The following HDLBP variants were observed in gnomAD, a reference collection of about 807,000 sequenced individuals.
The protein encoded by HDLBP is vigilin.
In HDLBP, 30 loss-of-function variants were observed where a neutral mutation model predicts 137.3. The observed-to-expected ratio is 0.22, with a 90% CI of 0.16 to 0.30. The LOEUF is 0.30. Among genes scored for constraint, HDLBP ranks in the 10% least tolerant of loss-of-function variants. The pLI is 1.00. For missense variants in HDLBP, 1,119 were observed against 1,667.3 expected (o/e 0.67, Z 5.73); for synonymous variants, 606 against 596.0 (o/e 1.02, Z -0.24).
Position 241,308,708 on chromosome 2 carries a change from G to T in HDLBP, c.-103+6862C>A, listed in dbSNP as rs577049956. ...GTGAAGTAGCTGAAGGCACAAACTG[G>T]AGCCAAACCACTAACTCTAGCCTTT... On this transcript the variant is annotated intron_variant, in intron 1 of 27. Coordinates refer to ENST00000310931, the MANE Select transcript of HDLBP (RefSeq NM_005336.6). Among the ~76,000 whole-genome samples the T allele has an allele frequency of 8.5e-5, 13 of 152,304 alleles. No individual in the cohort carries two copies. The South Asian group carries it at 1.7e-3, about 19-fold the overall frequency.
In HDLBP at chr2:241,248,347, T is replaced by C. The variant is rs1421950518; in HGVS notation, c.1514A>G (p.Glu505Gly). The change falls in exon 13 of 28, where the codon GAA becomes GGA. Residue 505 changes from glutamate (E) to glycine (G), a missense_variant and splice_region_variant. This residue lies in a region of HDLBP where 425 missense variants were observed against 693.9 expected (regional missense o/e 0.61). Transcript: ENST00000310931. ...GATTAGATCCTTGGTACGCTCATTT[T>C]CCTAAAAATACAATTAAAGTAGATG... Reference protein sequence around the residue: ...RELLELASRMENERTKDLIIE... With the variant: ...RELLELASRMGNERTKDLIIE... The C allele has an allele frequency of 1.2e-6, 2 of 1,610,036 alleles. No individual in the cohort carries two copies. Among genetic ancestry groups the C allele is most frequent in the Non-Finnish European group, 1.7e-6 (2 of 1,176,272 alleles).
Position 241,230,399 on chromosome 2 carries a change from G to C in HDLBP, c.3475-130C>G. On this transcript the variant is annotated intron_variant, in intron 25 of 27. Transcript: ENST00000310931. This position sits in a 1 kb window ranked among gnomAD's most constrained non-coding sequence, Gnocchi z 5.0. ...TAAAATCTGGTTTCAGAGTTGTTCT[G>C]AAGTCAGTCAGCCTCATCACCACAC... 1.5e-6 allele frequency: 1 copy of C among 663,400 alleles called. No individual in the cohort carries two copies. Among genetic ancestry groups the C allele is most frequent in the South Asian group, 1.9e-5 (1 of 52,274 alleles). 41.1% of individuals were successfully genotyped at this position (663,400 alleles called of 1,614,324 possible). A position where few individuals can be genotyped will look rare whatever the true frequency, so the allele number is the denominator to read the frequency against.
At chr2:241,276,415 CAAG>C (rs898725060) in intron 1 of HDLBP, among the ~76,000 whole-genome samples, 1 of 151,578 alleles carries the variant, frequency 6.6e-6, no homozygotes, top group Non-Finnish European at 1.5e-5. Context: ...AGAGAGAAAA[CAAG>C]AAAAAAGAAT....
intron 1 of HDLBP, among the ~76,000 whole-genome samples, chr2:241,311,115 C>CAA (rs137962673): frequency 2.1e-5 from 3 of 142,842 alleles, no homozygotes; most frequent in African/African-American, 7.8e-5. Context: ...CGCTGTGTCT[C>CAA]AAAAAAAAAC....
chr2:241,254,388 G>T (rs564464477), intron 9 of HDLBP, among the ~76,000 whole-genome samples: 1 of 152,054 alleles, frequency 6.6e-6, no homozygotes, highest in Non-Finnish European at 1.5e-5. Context: ...TTTCTTTTTT[G>T]TTCATGTTTC....
rs2069245207 is a variant in HDLBP, at chr2:241,227,496, GCTGTCCT to G, written c.*2098_*2104del. The stretch of plus-strand genomic sequence containing the variant: ...CACCCCTGCCTCATCTCTGCCCAGG[GCTGTCCT>G]GACAGCACAGACGCTTCAGGGAGAC... On this transcript the variant is annotated 3_prime_UTR_variant, in exon 28 of 28. Transcript: ENST00000310931. 6.6e-6 allele frequency: 1 copy of G among 152,552 alleles called. No homozygotes were observed. Among genetic ancestry groups the G allele is most frequent in the Admixed American group, 6.5e-5 (1 of 15,284 alleles). The allele number at this position is 152,552 out of a possible 1,614,324, so 9.4% of individuals were successfully genotyped here. A position where few individuals can be genotyped will look rare whatever the true frequency, so the allele number is the denominator to read the frequency against.
chr2:241,292,382 G>A (rs2075039039), intron 1 of HDLBP, among the ~76,000 whole-genome samples: 1 of 152,148 alleles, frequency 6.6e-6, no homozygotes, highest in Non-Finnish European at 1.5e-5. Context: ...ACTAAAAAAG[G>A]GAAAAGAAGC....
At chr2:241,301,420 T>C (rs929883740) in intron 1 of HDLBP, among the ~76,000 whole-genome samples, 1 of 152,134 alleles carries the variant, frequency 6.6e-6, no homozygotes, top group African/African-American at 2.4e-5. Context: ...TTAATAAAAT[T>C]AGAAAGCATA....
chr2:241,279,923 TCTTTG>T (rs1325314509), intron 1 of HDLBP: 109 of 985,288 alleles, frequency 1.1e-4, no homozygotes, highest in Non-Finnish European at 1.3e-4. Context: ...CCTACTCCTC[TCTTTG>T]CTTTAACTTA....
intron 1 of HDLBP, chr2:241,271,122 T>C (rs2074006306): frequency 1.2e-5 from 12 of 985,308 alleles, no homozygotes; most frequent in Admixed American, 6.1e-5. Flanking sequence ...CAAGGCTCCT[T>C]CTGGTAGGTG....
At position 241,240,737 on chromosome 2, in the gene HDLBP, C is replaced by T. The variant is rs865896337; in HGVS notation, c.2170-615G>A. 6.6e-6 allele frequency among the ~76,000 whole-genome samples: 1 copy of T among 152,248 alleles called. No homozygotes were observed. The stretch of plus-strand genomic sequence containing the variant: ...TCCTCAGAGGCCTCGTGTAGTGCGA[C>T]GCCCTTGTGTGGCAGTAAGAAAACG... On this transcript the variant is annotated intron_variant, in intron 17 of 27. Transcript: ENST00000310931. The surrounding 1 kb of genome is among the most constrained non-coding windows in gnomAD (Gnocchi z 5.5).
intron 1 of HDLBP, among the ~76,000 whole-genome samples, chr2:241,300,332 A>G (rs889373370): frequency 1.3e-5 from 2 of 152,200 alleles, no homozygotes; most frequent in Non-Finnish European, 2.9e-5. Context: ...CAAAACTCAG[A>G]CACTAGGCAA....
At position 241,262,930 on chromosome 2, in the gene HDLBP, C is replaced by A; in HGVS notation, c.235-4G>T. The A allele has an allele frequency of 1.2e-6, 2 of 1,605,884 alleles. No homozygotes were observed. The highest frequency in any genetic ancestry group is 1.7e-6 in the Non-Finnish European group (2 of 1,172,884). On this transcript the variant is annotated splice_polypyrimidine_tract_variant and splice_region_variant and intron_variant, in intron 4 of 27. Coordinates refer to ENST00000310931, the MANE Select transcript of HDLBP (RefSeq NM_005336.6). ...CCTCCAGGGGTACATGGAACACCTGCTCAAAAAAGATCAAAAAAGGAAAGG... is the reference window on the plus strand; with the variant it reads ...CCTCCAGGGGTACATGGAACACCTGATCAAAAAAGATCAAAAAAGGAAAGG...
chr2:241,293,033 GAAGA>G (rs1415262372), intron 1 of HDLBP, among the ~76,000 whole-genome samples: 1 of 146,864 alleles, frequency 6.8e-6, no homozygotes, highest in East Asian at 2.0e-4. Flanking sequence ...TCTCAGAAAA[GAAGA>G]AAGAGCAAAG....
At chr2:241,313,963 C>T (rs571241310) in intron 1 of HDLBP, among the ~76,000 whole-genome samples, 20 of 152,242 alleles carry the variant, frequency 1.3e-4, no homozygotes, top group African/African-American at 4.6e-4. Flanking sequence ...GTGCTTGGCA[C>T]CAAGCAAAAC....
chr2:241,281,247 G>A (rs1440862706), intron 1 of HDLBP, among the ~76,000 whole-genome samples: 8 of 152,112 alleles, frequency 5.3e-5, no homozygotes, highest in African/African-American at 7.2e-5. Flanking sequence ...CCAGCTACTC[G>A]GGAGGCTGAG....
chr2:241,276,554 C>CT lies in HDLBP; in HGVS notation c.-102-8014dup, dbSNP rs1173088272. Among the ~76,000 whole-genome samples, 6 of 152,230 alleles carry CT rather than the reference C, an allele frequency of 3.9e-5. No homozygotes were observed. In the East Asian group the frequency reaches 1.2e-3, roughly 29 times the overall value. ...TGTTAACAGACTAAACTGACCAACT[C>CT]TAACAGCAGCTATAGGCCATTCAAC... On this transcript the variant is annotated intron_variant, in intron 1 of 27. Coordinates refer to ENST00000310931, the MANE Select transcript of HDLBP (RefSeq NM_005336.6).
intron 1 of HDLBP, among the ~76,000 whole-genome samples, chr2:241,274,570 G>A (rs2074322877): frequency 6.6e-6 from 1 of 152,126 alleles, no homozygotes; most frequent in South Asian, 2.1e-4. Context: ...CGCTGTCAAG[G>A]AACTTCCAAT....
chr2:241,229,701 G>A lies in HDLBP; in HGVS notation c.3721-14C>T. Reference sequence around the variant, plus strand: ...CATGTCAGGAGCCTGTGCAGAGAGAGGACACGGCTTCAGGAGGGGATGCTC... The same window carrying A: ...CATGTCAGGAGCCTGTGCAGAGAGAAGACACGGCTTCAGGAGGGGATGCTC... On this transcript the variant is annotated splice_polypyrimidine_tract_variant and intron_variant, in intron 27 of 27. Transcript: ENST00000310931. The A allele has an allele frequency of 6.2e-7, 1 of 1,613,752 alleles. No homozygotes were observed. The highest frequency in any genetic ancestry group is 8.5e-7 in the Non-Finnish European group (1 of 1,179,688).
Sources: gnomAD v4.1 joint callset for allele counts (sites outside exome capture counted in the v4.1 genomes callset) on GRCh38, gnomAD v4.1.1 for gene constraint, gnomAD v4.1.1 regional missense constraint, Gnocchi (gnomAD v3.1) non-coding constraint, MANE v1.5 for transcripts, NCBI Gene and HGNC (gene_info 2026-07-23, HGNC 2026-07-21) for gene names.